ADGRV1: variants seen among roughly 807,000 people sequenced by gnomAD.
ADGRV1 encodes the protein G-protein coupled receptor 98.
Under a neutral mutation model 596.2 loss-of-function variants are expected in ADGRV1, and 359 were observed. That is an observed-to-expected ratio of 0.60 (90% confidence interval 0.55 to 0.66). The LOEUF (loss-of-function observed/expected upper bound fraction) is 0.66. Ranked by LOEUF, ADGRV1 falls within the 30% of genes least tolerant of loss-of-function variation. The probability of loss-of-function intolerance (pLI) is 0.00; values close to 1 mark genes in which losing one functional copy is unlikely to be tolerated. For missense variants in ADGRV1, 7,274 were observed against 7,575.6 expected (o/e 0.96, Z 1.48); for synonymous variants, 2,681 against 2,679.2 (o/e 1.00, Z -0.02).
At chr5:90,578,412 G>A (rs922778815) in intron 1 of ADGRV1, among the ~76,000 whole-genome samples, 12 of 152,238 alleles carry the variant, frequency 7.9e-5, no homozygotes, top group African/African-American at 1.2e-4. Flanking sequence ...GATGGATTAC[G>A]TTTATTGATT....
In ADGRV1 at chr5:90,960,155, A is replaced by G. The variant is rs199788625; in HGVS notation, c.17857-5260A>G. ...CTCATCTCAAAAAAAAAAAAAAAAC[A>G]AAAAACAGATCAGTGTATGCCTAGG... On this transcript the variant is annotated intron_variant, in intron 83 of 89. Transcript: ENST00000405460. Among the ~76,000 whole-genome samples the G allele has an allele frequency of 6.9e-3, 1,007 of 146,196 alleles. 19 individuals carry two copies. Among genetic ancestry groups the G allele is most frequent in the African/African-American group, 0.025 (969 of 38,878 alleles).
At chr5:91,050,512 G>A (rs1311146688) in intron 85 of ADGRV1, among the ~76,000 whole-genome samples, 1 of 152,046 alleles carries the variant, frequency 6.6e-6, no homozygotes, top group Non-Finnish European at 1.5e-5. Flanking sequence ...TGTATTTCAG[G>A]TATCTGTGTT....
intron 86 of ADGRV1, among the ~76,000 whole-genome samples, chr5:91,079,652 A>G (rs1168116395): frequency 6.6e-6 from 1 of 152,222 alleles, no homozygotes; most frequent in African/African-American, 2.4e-5. Context: ...TTTACAATGT[A>G]GCCAAGAAGG....
intron 76 of ADGRV1, among the ~76,000 whole-genome samples, chr5:90,827,251 G>T (rs1764145603): frequency 6.6e-6 from 1 of 152,110 alleles, no homozygotes; most frequent in African/African-American, 2.4e-5. Context: ...GGGCTCTTAT[G>T]AGGTCTCTGT....
chr5:90,866,830 T>C (rs1001541322), intron 83 of ADGRV1, among the ~76,000 whole-genome samples: 2 of 152,164 alleles, frequency 1.3e-5, no homozygotes, highest in Admixed American at 6.6e-5. Flanking sequence ...TATTATGTCA[T>C]AGAAGCTTTG....
At chr5:90,672,290 T>G (rs991780743) in intron 21 of ADGRV1, among the ~76,000 whole-genome samples, 1 of 152,238 alleles carries the variant, frequency 6.6e-6, no homozygotes, top group Admixed American at 6.5e-5. Flanking sequence ...ATGAATGAAT[T>G]ACTTGTGCAG....
rs566973932 is a variant in ADGRV1, at chr5:91,037,791, T to C, written c.18153-34656T>C. On this transcript the variant is annotated intron_variant, in intron 85 of 89. Transcript: ENST00000405460. The stretch of plus-strand genomic sequence containing the variant: ...ACAAGGCCTAACAGACAGAGTAAAG[T>C]TGAGCATCTCTAATCCTAAAACCCA... Among the ~76,000 whole-genome samples, 149 of 152,300 alleles carry C rather than the reference T, an allele frequency of 9.8e-4. 1 individual carries two copies. The highest frequency in any genetic ancestry group is 3.5e-3 in the African/African-American group (144 of 41,576).
intron 22 of ADGRV1, chr5:90,672,942 C>A: frequency 2.2e-6 from 1 of 453,362 alleles, no homozygotes; most frequent in Non-Finnish European, 3.9e-6. Flanking sequence ...AGAACTTTAT[C>A]ATGACATTTT....
intron 85 of ADGRV1, among the ~76,000 whole-genome samples, chr5:90,988,301 A>G (rs1388848307): frequency 6.6e-6 from 1 of 152,230 alleles, no homozygotes; most frequent in Admixed American, 6.5e-5. Context: ...GATGGATTTT[A>G]TAGATAGTGT....
rs570673511 is a variant in ADGRV1, at chr5:90,783,169, A to C, written c.13277A>C (p.His4426Pro). Residue 4426 changes from histidine to proline, a missense_variant, in exon 66 of 90, where the codon CAT becomes CCT. His to Pro is a moderately conservative substitution (Grantham distance 77). Transcript: ENST00000405460. ...GLIMIPVVRLHGTYGYVTADF... is the reference protein window; with the variant it reads ...GLIMIPVVRLPGTYGYVTADF... Reference sequence around the variant, plus strand: ...ATCATGATCCCAGTGGTGAGGCTACATGGAACTTATGGCTATGTGACAGCT... The same window carrying C: ...ATCATGATCCCAGTGGTGAGGCTACCTGGAACTTATGGCTATGTGACAGCT... The C allele has an allele frequency of 1.9e-5, 31 of 1,613,680 alleles. No homozygotes were observed. The highest frequency in any genetic ancestry group is 2.4e-5 in the Non-Finnish European group (28 of 1,179,658).
chr5:90,911,634 T>C (rs936914084), intron 83 of ADGRV1, among the ~76,000 whole-genome samples: 26 of 152,196 alleles, frequency 1.7e-4, no homozygotes, highest in African/African-American at 6.0e-4. Flanking sequence ...AAACTTCTCA[T>C]TTTTCATGTT....
At position 90,721,576 on chromosome 5, in the gene ADGRV1, T is replaced by TAAAATAAAATAAAAATAAAATATAAA. The variant is rs1751021383; in HGVS notation, c.9748+531_9748+532insATAAAATATAAAAAAATAAAATAAAA. Among the ~76,000 whole-genome samples, 1,094 of 119,898 alleles carry TAAAATAAAATAAAAATAAAATATAAA rather than the reference T, an allele frequency of 9.1e-3. 114 individuals are homozygous for TAAAATAAAATAAAAATAAAATATAAA. Among genetic ancestry groups the TAAAATAAAATAAAAATAAAATATAAA allele is most frequent in the African/African-American group, 0.032 (970 of 30,624 alleles). 78.7% of individuals were successfully genotyped at this position (119,898 alleles called of 152,430 possible). On this transcript the variant is annotated intron_variant, in intron 45 of 89. Coordinates refer to ENST00000405460, the MANE Select transcript of ADGRV1 (RefSeq NM_032119.4). ...TAAAATAAAATAAAATAAAATAAAA[T>TAAAATAAAATAAAAATAAAATATAAA]AAAATAAAATAAAATATGTATTTAG...
Position 90,708,864 on chromosome 5 carries a change from G to C in ADGRV1, c.8779G>C (p.Val2927Leu). 1 of 1,612,512 alleles carries C rather than the reference G, an allele frequency of 6.2e-7. No individual in the cohort carries two copies. Among genetic ancestry groups the C allele is most frequent in the South Asian group, 1.1e-5 (1 of 90,954 alleles). Reference protein sequence around the residue: ...EEYFLVNLTYVGLTMAASTSF... With the variant: ...EEYFLVNLTYLGLTMAASTSF... Reference sequence around the variant, plus strand: ...ATATTTCCTGGTGAATTTAACTTACGTTGGACTTACCATGGCTGCTTCAAC... The same window carrying C: ...ATATTTCCTGGTGAATTTAACTTACCTTGGACTTACCATGGCTGCTTCAAC... Residue 2927 changes from valine to leucine, a missense_variant, in exon 39 of 90, where the codon GTT becomes CTT. By Grantham distance (32) the Val-to-Leu change is conservative. Coordinates refer to ENST00000405460, the MANE Select transcript of ADGRV1 (RefSeq NM_032119.4).
intron 40 of ADGRV1, 38 bp downstream of exon 40, chr5:90,711,097 T>C: frequency 6.3e-7 from 1 of 1,575,776 alleles, no homozygotes; most frequent in Non-Finnish European, 8.7e-7. Flanking sequence ...CTTCTGGGTT[T>C]CATATTATTT....
chr5:90,929,099 T>A (rs1774908988), intron 83 of ADGRV1: 1 of 151,894 alleles, frequency 6.6e-6, no homozygotes, highest in South Asian at 2.1e-4. Flanking sequence ...GTCTGTGCCC[T>A]GCCCCCAGAG....
In ADGRV1 at chr5:90,858,565, C is replaced by G. The variant is rs1581345272; in HGVS notation, c.17755+2664C>G. Among the ~76,000 whole-genome samples, 4 of 152,066 alleles carry G rather than the reference C, an allele frequency of 2.6e-5. 1 individual carries two copies. Among genetic ancestry groups the G allele is most frequent in the Admixed American group, 2.6e-4 (4 of 15,284 alleles). ...GTTTTGCCATGCTGCCCAGGCTGGT[C>G]TCAAACTCCTGGACTCAAGCGATCT... On this transcript the variant is annotated intron_variant, in intron 82 of 89. Coordinates refer to ENST00000405460, the MANE Select transcript of ADGRV1 (RefSeq NM_032119.4).
intron 84 of ADGRV1, among the ~76,000 whole-genome samples, chr5:90,970,834 A>G (rs187977789): frequency 7.2e-4 from 109 of 152,326 alleles, no homozygotes; most frequent in African/African-American, 2.5e-3. Flanking sequence ...CCTCACCAGC[A>G]ACAGAACAAA....
chr5:90,740,490 G>A (rs1753821084), intron 50 of ADGRV1, among the ~76,000 whole-genome samples: 1 of 152,218 alleles, frequency 6.6e-6, no homozygotes, highest in Non-Finnish European at 1.5e-5. Flanking sequence ...TTTAAGGAGA[G>A]CACGCAGGCT....
chr5:90,928,361 T>G (rs1167131911), intron 83 of ADGRV1, among the ~76,000 whole-genome samples: 14 of 150,776 alleles, frequency 9.3e-5, no homozygotes, highest in Non-Finnish European at 1.2e-4. Flanking sequence ...AAACTTTCCT[T>G]CTCACTTCAT....
Sources: gnomAD v4.1 joint callset for allele counts (sites outside exome capture counted in the v4.1 genomes callset) on GRCh38, gnomAD v4.1.1 for gene constraint, MANE v1.5 for transcripts, NCBI Gene and HGNC (gene_info 2026-07-23, HGNC 2026-07-21) for gene names.